Variants in NFIA observed in about 807,000 individuals in gnomAD.
NFIA encodes the protein nuclear factor I A.
In NFIA, 8 loss-of-function variants were observed where a neutral mutation model predicts 62.8. The observed-to-expected ratio is 0.13, with a 90% CI of 0.07 to 0.23. NFIA has a LOEUF of 0.23. NFIA is among the 10% of genes least tolerant of loss of function. The pLI, the probability that NFIA is intolerant of heterozygous loss-of-function variation, is 1.00. For synonymous variants in NFIA, 235 were observed against 238.1 expected (o/e 0.99, Z 0.12); for missense variants, 410 against 642.1 (o/e 0.64, Z 3.91).
At chr1:61,252,256 T>G (rs1023498186) in intron 2 of NFIA, among the ~76,000 whole-genome samples, 2 of 152,322 alleles carry the variant, frequency 1.3e-5, no homozygotes, top group East Asian at 3.9e-4. Flanking sequence ...TTTGGCATGT[T>G]GAATTTTCAT....
chr1:61,157,083 G>A (rs334712), intron 2 of NFIA, among the ~76,000 whole-genome samples: 137,224 of 152,336 alleles, frequency 0.9, 62,032 homozygotes, highest in Non-Finnish European at 0.94. Flanking sequence ...GCTGTGAGCT[G>A]TGGTGACTGT....
chr1:61,373,730 G>A (rs1038454543), intron 6 of NFIA, among the ~76,000 whole-genome samples: 1 of 151,908 alleles, frequency 6.6e-6, no homozygotes, highest in African/African-American at 2.4e-5. Context: ...GAGATGGAGA[G>A]GAAAAGCTTT....
intron 2 of NFIA, among the ~76,000 whole-genome samples, chr1:61,199,755 G>T (rs1299315721): frequency 6.6e-6 from 1 of 151,782 alleles, no homozygotes; most frequent in African/African-American, 2.4e-5. Context: ...AGCACTTTGG[G>T]AGGCCGAGGT....
intron 2 of NFIA, among the ~76,000 whole-genome samples, chr1:61,265,515 C>T (rs1241138225): frequency 6.6e-6 from 1 of 152,048 alleles, no homozygotes; most frequent in Non-Finnish European, 1.5e-5. Context: ...TATGGGAAGT[C>T]TGTGGAGCAT....
chr1:61,417,835 G>C (rs1666423911), intron 9 of NFIA, among the ~76,000 whole-genome samples: 1 of 152,058 alleles, frequency 6.6e-6, no homozygotes, highest in South Asian at 2.1e-4. Context: ...TATTTGCAAA[G>C]CCTCTCCATA....
At chr1:61,116,910 T>C (rs1360766313) in intron 2 of NFIA, among the ~76,000 whole-genome samples, 2 of 152,242 alleles carry the variant, frequency 1.3e-5, no homozygotes, top group African/African-American at 2.4e-5. Flanking sequence ...AAATTCCTTA[T>C]TTCCTGCATG....
chr1:61,266,688 C>T (rs1419629956), intron 2 of NFIA, among the ~76,000 whole-genome samples: 2 of 152,216 alleles, frequency 1.3e-5, no homozygotes, highest in Non-Finnish European at 2.9e-5. Flanking sequence ...GCATGAGCCA[C>T]TGTACCTGGC....
At chr1:61,414,619 T>C (rs1666272285) in intron 9 of NFIA, among the ~76,000 whole-genome samples, 1 of 152,026 alleles carries the variant, frequency 6.6e-6, no homozygotes, top group African/African-American at 2.4e-5. Flanking sequence ...AAGTATGAAT[T>C]GGTTTCTGTT....
intron 3 of NFIA, among the ~76,000 whole-genome samples, chr1:61,297,139 G>A (rs1040208994): frequency 6.6e-6 from 1 of 152,074 alleles, no homozygotes; most frequent in Non-Finnish European, 1.5e-5. Flanking sequence ...TTATTTAAAA[G>A]GTTTGCTCTA....
chr1:61,415,595 G>A (rs1467233818), intron 9 of NFIA, among the ~76,000 whole-genome samples: 1 of 152,110 alleles, frequency 6.6e-6, no homozygotes, highest in Admixed American at 6.6e-5. Flanking sequence ...ATTAAAACTT[G>A]AGTGATATTT....
At chr1:61,245,771 C>A (rs1000459646) in intron 2 of NFIA, among the ~76,000 whole-genome samples, 2 of 151,676 alleles carry the variant, frequency 1.3e-5, no homozygotes, top group African/African-American at 4.8e-5. Context: ...TTTAAAATAG[C>A]AAAAATAAGA....
rs192315455 is a variant in NFIA at position 61,325,251 on chromosome 1, T to C, written c.626-7261T>C. The stretch of plus-strand genomic sequence containing the variant: ...ATTTGGAATCGCTTAAACTCACCTT[T>C]TTATTTTCTTTTCCACTTTTTTCTT... On this transcript the variant is annotated intron_variant, in intron 3 of 10. Transcript: ENST00000403491. Among the ~76,000 whole-genome samples the C allele has an allele frequency of 2.6e-5, 4 of 152,366 alleles. No homozygotes were observed. In the East Asian group the frequency reaches 7.7e-4, roughly 29 times the overall value.
intron 2 of NFIA, among the ~76,000 whole-genome samples, chr1:61,196,904 T>A (rs1358047007): frequency 9.1e-5 from 3 of 33,028 alleles, no homozygotes; most frequent in Admixed American, 2.4e-4. Context: ...AAGGAGTGTG[T>A]GTGTGTGTGT....
At chr1:61,082,051 CGCGGAGGTCT>C (rs1437850662), upstream of NFIA, 17 of 1,544,928 alleles carry the variant, frequency 1.1e-5, no homozygotes, top group Non-Finnish European at 1.4e-5. Flanking sequence ...CACCGAGGTC[CGCGGAGGTCT>C]GCAGCGGGGG....
intron 2 of NFIA, among the ~76,000 whole-genome samples, chr1:61,204,476 T>C (rs930800359): frequency 1.3e-5 from 2 of 152,306 alleles, no homozygotes; most frequent in Non-Finnish European, 1.5e-5. Context: ...GGGACCTTTA[T>C]ATTTTTTTAT....
chr1:61,139,256 C>T (rs1647318840), intron 2 of NFIA, among the ~76,000 whole-genome samples: 2 of 152,166 alleles, frequency 1.3e-5, no homozygotes, highest in Non-Finnish European at 2.9e-5. Flanking sequence ...CATTTGGTTA[C>T]TCTGAGGATA....
intron 2 of NFIA, among the ~76,000 whole-genome samples, chr1:61,203,503 T>C (rs1652668165): frequency 6.6e-6 from 1 of 152,130 alleles, no homozygotes; most frequent in Non-Finnish European, 1.5e-5. Flanking sequence ...GTTTTTGCTC[T>C]GCTTGTTGAA....
At chr1:61,405,784 G>T (rs908159545) in intron 8 of NFIA, among the ~76,000 whole-genome samples, 2 of 152,068 alleles carry the variant, frequency 1.3e-5, no homozygotes, top group Non-Finnish European at 2.9e-5. Context: ...AAATAAAATG[G>T]GTTTTATTGC....
At chr1:61,298,159 C>A (rs1659291220) in intron 3 of NFIA, among the ~76,000 whole-genome samples, 1 of 152,082 alleles carries the variant, frequency 6.6e-6, no homozygotes, top group African/African-American at 2.4e-5. Flanking sequence ...CAGTTTCCCC[C>A]ACGTTGTTCC....
Sources: allele counts gnomAD v4.1 joint callset (sites outside exome capture counted in the v4.1 genomes callset), GRCh38; gene constraint gnomAD v4.1.1; transcripts MANE v1.5; gene names NCBI Gene and HGNC (gene_info 2026-07-23, HGNC 2026-07-21).